ANKS1B: variants seen among roughly 807,000 people sequenced by gnomAD.
ANKS1B encodes ankyrin repeat and sterile alpha motif domain-containing protein 1B.
A neutral mutation model predicts 148.3 loss-of-function variants in ANKS1B; 36 were observed. The ratio of observed to expected loss-of-function variants is 0.24; its 90% confidence interval spans 0.19 to 0.32. ANKS1B has a LOEUF of 0.32. Ranked by LOEUF, ANKS1B falls within the 10% of genes least tolerant of loss-of-function variation. The pLI is 1.00. For missense variants in ANKS1B, 1,157 were observed against 1,542.6 expected, an observed-to-expected ratio of 0.75 and a Z score of 4.19; for synonymous variants, 542 against 560.8, an observed-to-expected ratio of 0.97 and a Z score of 0.47.
At chr12:99,656,791 C>T (rs1365852677) in intron 8 of ANKS1B, among the ~76,000 whole-genome samples, 1 of 152,054 alleles carries the variant, frequency 6.6e-6, no homozygotes, top group Non-Finnish European at 1.5e-5. Flanking sequence ...AAAAGAAATA[C>T]ACTAAATTGT....
intron 1 of ANKS1B, among the ~76,000 whole-genome samples, chr12:99,903,836 A>C (rs879323093): frequency 9.9e-5 from 15 of 152,148 alleles, no homozygotes; most frequent in Non-Finnish European, 1.8e-4. Flanking sequence ...GATCACACTA[A>C]AGAGCTTACT....
intron 12 of ANKS1B, among the ~76,000 whole-genome samples, chr12:99,309,763 G>T (rs2082885619): frequency 6.6e-6 from 1 of 152,052 alleles, no homozygotes; most frequent in Non-Finnish European, 1.5e-5. Flanking sequence ...AATTGGTGTA[G>T]CAATGAGAAC....
intron 14 of ANKS1B, among the ~76,000 whole-genome samples, chr12:99,222,320 TA>T (rs1339676194): frequency 3.3e-5 from 5 of 152,112 alleles, no homozygotes. Flanking sequence ...TTTCTTACAT[TA>T]AAACTCTCTT....
chr12:99,224,843 G>C (rs2085652371), intron 14 of ANKS1B, among the ~76,000 whole-genome samples: 1 of 152,134 alleles, frequency 6.6e-6, no homozygotes, highest in African/African-American at 2.4e-5. Flanking sequence ...TTCTGACACT[G>C]TATCTCATAA....
chr12:99,736,243 C>T (rs1435410265), intron 8 of ANKS1B, among the ~76,000 whole-genome samples: 1 of 151,976 alleles, frequency 6.6e-6, no homozygotes, highest in Non-Finnish European at 1.5e-5. Context: ...ACTGGAAGTC[C>T]TAGCCAGAGC....
At chr12:99,228,334 T>G (rs975466395) in intron 14 of ANKS1B, among the ~76,000 whole-genome samples, 1 of 152,170 alleles carries the variant, frequency 6.6e-6, no homozygotes, top group South Asian at 2.1e-4. Context: ...TGATTTATTG[T>G]TAAATGAGAA....
intron 2 of ANKS1B, among the ~76,000 whole-genome samples, chr12:99,822,968 T>A (rs1196298485): frequency 6.6e-6 from 1 of 152,170 alleles, no homozygotes. Context: ...TTTTTTGACT[T>A]TTTAATAATA....
intron 17 of ANKS1B, among the ~76,000 whole-genome samples, chr12:99,035,742 C>T (rs1029270112): frequency 9.2e-5 from 14 of 152,084 alleles, no homozygotes; most frequent in African/African-American, 3.4e-4. Flanking sequence ...CTGTAATGGC[C>T]CTGAGGCAGG....
intron 17 of ANKS1B, among the ~76,000 whole-genome samples, chr12:98,867,148 C>T (rs1336195420): frequency 6.6e-6 from 1 of 152,052 alleles, no homozygotes; most frequent in East Asian, 1.9e-4. Flanking sequence ...AGGCAGCCAC[C>T]CAGAGGAGTA....
intron 17 of ANKS1B, among the ~76,000 whole-genome samples, chr12:99,009,735 T>C (rs889888803): frequency 2.5e-4 from 38 of 151,576 alleles, no homozygotes; most frequent in African/African-American, 9.0e-4. Flanking sequence ...CTGGAAAACC[T>C]CCCATCAAAA....
chr12:99,537,019 T>A (rs2097076665), intron 9 of ANKS1B, among the ~76,000 whole-genome samples: 1 of 152,202 alleles, frequency 6.6e-6, no homozygotes, highest in African/African-American at 2.4e-5. Context: ...TTTGTCTTTC[T>A]GTGCCTGGCC....
intron 2 of ANKS1B, among the ~76,000 whole-genome samples, chr12:99,813,998 T>C (rs1026475303): frequency 2.0e-5 from 3 of 151,734 alleles, no homozygotes; most frequent in African/African-American, 7.2e-5. Context: ...ACCTTTTCTA[T>C]GTTTTGATAT....
chr12:99,552,561 T>C (rs770752136), intron 9 of ANKS1B, among the ~76,000 whole-genome samples: 11 of 152,220 alleles, frequency 7.2e-5, no homozygotes, highest in Non-Finnish European at 1.0e-4. Flanking sequence ...CCACATTGCA[T>C]TACTAAATGC....
intron 11 of ANKS1B, among the ~76,000 whole-genome samples, chr12:99,437,044 G>A (rs1511961): frequency 0.14 from 21,862 of 151,896 alleles, 1,840 homozygotes; most frequent in East Asian, 0.38. Context: ...AAAGCCAATT[G>A]GAATGTCTTT....
intron 14 of ANKS1B, among the ~76,000 whole-genome samples, chr12:99,229,789 C>T (rs762228122): frequency 7.9e-5 from 12 of 152,022 alleles, no homozygotes; most frequent in East Asian, 1.9e-4. Context: ...TTAGAAAATG[C>T]GCTAACAATT....
intron 17 of ANKS1B, among the ~76,000 whole-genome samples, chr12:99,046,415 A>G (rs2099962364): frequency 6.6e-6 from 1 of 152,198 alleles, no homozygotes; most frequent in Non-Finnish European, 1.5e-5. Flanking sequence ...ATTAGAAGAC[A>G]AAGATATTAA....
At chr12:99,686,869 A>G (rs2098652463) in intron 8 of ANKS1B, among the ~76,000 whole-genome samples, 1 of 152,178 alleles carries the variant, frequency 6.6e-6, no homozygotes, top group Non-Finnish European at 1.5e-5. Flanking sequence ...AATCTCCTTT[A>G]AGAAGATTAA....
rs74696100 is a variant in ANKS1B at position 99,052,106 on chromosome 12, G to A, written c.2778+1051C>T. Reference sequence around the variant, plus strand: ...ACTGTTAAAAAGAAATGTGTGCTATGCCAAATACAATTCAAATGAATGACC... The same window carrying A: ...ACTGTTAAAAAGAAATGTGTGCTATACCAAATACAATTCAAATGAATGACC... On this transcript the variant is annotated intron_variant, in intron 17 of 26. Coordinates refer to ENST00000683438, the MANE Select transcript of ANKS1B (RefSeq NM_001352186.2). Among the ~76,000 whole-genome samples the A allele has an allele frequency of 8.5e-5, 13 of 152,236 alleles. No individual in the cohort carries two copies. The East Asian group carries it at 2.3e-3, about 27-fold the overall frequency.
intron 8 of ANKS1B, among the ~76,000 whole-genome samples, chr12:99,749,917 G>A (rs1338362374): frequency 6.6e-6 from 1 of 152,000 alleles, no homozygotes; most frequent in Non-Finnish European, 1.5e-5. Flanking sequence ...ATAGTTCACT[G>A]TCAGAAAAGA....
Sources: gnomAD v4.1 joint callset for allele counts (sites outside exome capture counted in the v4.1 genomes callset) on GRCh38, gnomAD v4.1.1 for gene constraint, MANE v1.5 for transcripts, NCBI Gene and HGNC (gene_info 2026-07-23, HGNC 2026-07-21) for gene names.